The following NKD1 variants were observed in gnomAD, a reference collection of about 807,000 sequenced individuals.
The protein encoded by NKD1 is protein naked cuticle homolog 1.
In NKD1, 21 loss-of-function variants were observed where a neutral mutation model predicts 56.0. The observed-to-expected ratio is 0.38, with a 90% confidence interval of 0.27 to 0.54. The LOEUF is 0.54. NKD1 is among the 20% of genes least tolerant of loss of function. The probability of loss-of-function intolerance (pLI) is 0.82; values close to 1 mark genes in which losing one functional copy is unlikely to be tolerated. For synonymous variants in NKD1, 263 were observed against 265.7 expected (o/e 0.99, Z 0.10); for missense variants, 578 against 642.7 (o/e 0.90, Z 1.09).
intron 4 of NKD1, among the ~76,000 whole-genome samples, chr16:50,619,189 C>G (rs1176297701): frequency 6.6e-6 from 1 of 152,060 alleles, no homozygotes; most frequent in Non-Finnish European, 1.5e-5. Flanking sequence ...TTTCTTTCTT[C>G]TTTTTCTTTC....
At chr16:50,587,937 C>T (rs1961265492) in intron 3 of NKD1, among the ~76,000 whole-genome samples, 1 of 152,254 alleles carries the variant, frequency 6.6e-6, no homozygotes, top group Admixed American at 6.5e-5. Flanking sequence ...GGAACAGTTT[C>T]ATCCCGAAAC....
At chr16:50,593,252 A>G (rs1245007201) in intron 3 of NKD1, among the ~76,000 whole-genome samples, 2 of 152,128 alleles carry the variant, frequency 1.3e-5, no homozygotes, top group East Asian at 3.9e-4. Flanking sequence ...CTGGCTTATG[A>G]GGAGAATAAG....
chr16:50,598,699 A>G lies in NKD1; in HGVS notation c.193-9595A>G, dbSNP rs1961529999. ...AGGCCCTCGGGCCTCTCCTCTTATC[A>G]GCACTCGGCTGTGTGGCGTGGCGGG... On this transcript the variant is annotated intron_variant, in intron 3 of 9. Coordinates refer to ENST00000268459, the MANE Select transcript of NKD1 (RefSeq NM_033119.5). This position sits in a 1 kb window ranked among gnomAD's most constrained non-coding sequence, Gnocchi z 4.2. 1.3e-5 allele frequency among the ~76,000 whole-genome samples: 2 copies of G among 152,202 alleles called. No homozygotes were observed. The highest frequency in any genetic ancestry group is 4.8e-5 in the African/African-American group (2 of 41,456).
Position 50,643,882 on chromosome 16 carries a change from G to T in NKD1, c.*10101G>T, listed in dbSNP as rs1179887983. ...CATATTTTCTCTGCAAGGCATATCA[G>T]AGCCTTCTGTGCTTAAGAGCACAAG... On this transcript the variant is annotated 3_prime_UTR_variant, in exon 10 of 10. Transcript: ENST00000268459. 1 of 152,216 alleles carries T rather than the reference G, an allele frequency of 6.6e-6. No homozygotes were observed. Among genetic ancestry groups the T allele is most frequent in the African/African-American group, 2.4e-5 (1 of 41,450 alleles). The allele number at this position is 152,216 out of a possible 1,614,324, so 9.4% of individuals were successfully genotyped here.
chr16:50,575,228 G>T lies in NKD1; in HGVS notation c.192+25673G>T, dbSNP rs1408646202. The T allele has an allele frequency of 7.1e-6, 7 of 985,292 alleles. No individual in the cohort carries two copies. In the East Asian group the frequency reaches 6.8e-4, roughly 96 times the overall value. The allele number at this position is 985,292 out of a possible 1,614,324, so 61.0% of individuals were successfully genotyped here. ...CTCAGATCAAGTTCTTTAACTAGGG[G>T]CTGAGAGATAGGGAGGCCAGTCTTC... On this transcript the variant is annotated intron_variant, in intron 3 of 9. Coordinates refer to ENST00000268459, the MANE Select transcript of NKD1 (RefSeq NM_033119.5).
At chr16:50,622,169 C>T (rs1341230088) in intron 5 of NKD1, among the ~76,000 whole-genome samples, 8 of 152,238 alleles carry the variant, frequency 5.3e-5, no homozygotes, top group African/African-American at 1.9e-4. Flanking sequence ...CCCATGTGGG[C>T]ACCACCAAGG....
At position 50,548,592 on chromosome 16, in the gene NKD1, C is replaced by G. The variant is rs1170299375; in HGVS notation, c.25+14C>G. On this transcript the variant is annotated intron_variant, in intron 1 of 9. Coordinates refer to ENST00000268459, the MANE Select transcript of NKD1 (RefSeq NM_033119.5). ...ACTCCAAGCCGGGTCAGTGCCCCCG[C>G]CCGCGCGCTCGCCCCGGGCCCCGCC... The G allele has an allele frequency of 1.4e-6, 2 of 1,462,040 alleles. No homozygotes were observed. The highest frequency in any genetic ancestry group is 2.5e-5 in the Admixed American group (1 of 40,114). 90.6% of individuals were successfully genotyped at this position (1,462,040 alleles called of 1,614,324 possible).
At chr16:50,560,149 A>G (rs763657796) in intron 3 of NKD1, among the ~76,000 whole-genome samples, 2 of 152,210 alleles carry the variant, frequency 1.3e-5, no homozygotes, top group African/African-American at 2.4e-5. Context: ...GAAGAGAACT[A>G]CTATAATCCA....
chr16:50,639,179 A>G lies in NKD1; in HGVS notation c.*5398A>G, dbSNP rs1174290615. The G allele has an allele frequency of 6.6e-6, 1 of 151,900 alleles. No homozygotes were observed. Among genetic ancestry groups the G allele is most frequent in the Non-Finnish European group, 1.5e-5 (1 of 68,018 alleles). 9.4% of individuals were successfully genotyped at this position (151,900 alleles called of 1,614,324 possible). A position where few individuals can be genotyped will look rare whatever the true frequency, so the allele number is the denominator to read the frequency against. ...TCATGATGTTTCAGGCCCCCAGGTG[A>G]CTTCTTAGGCAGCCCAGCTAAGCCC... is the stretch of plus-strand genomic sequence containing the variant. On this transcript the variant is annotated 3_prime_UTR_variant, in exon 10 of 10. Coordinates refer to ENST00000268459, the MANE Select transcript of NKD1 (RefSeq NM_033119.5).
At chr16:50,629,482 A>G (rs1323495852) in intron 6 of NKD1, among the ~76,000 whole-genome samples, 1 of 152,024 alleles carries the variant, frequency 6.6e-6, no homozygotes, top group African/African-American at 2.4e-5. Flanking sequence ...TGATGCCCCC[A>G]CTCCATTTTC....
chr16:50,574,426 C>G lies in NKD1; in HGVS notation c.192+24871C>G, dbSNP rs529967051. ...CTGAGTCGACATAGCCGTCTTCCCC[C>G]AGGGACTAAATTTAGGATTCCTTGG... is the stretch of plus-strand genomic sequence containing the variant. On this transcript the variant is annotated intron_variant, in intron 3 of 9. Coordinates refer to ENST00000268459, the MANE Select transcript of NKD1 (RefSeq NM_033119.5). 3.0e-6 allele frequency: 3 copies of G among 985,408 alleles called. No homozygotes were observed. In the Admixed American group the frequency reaches 1.8e-4, roughly 61 times the overall value. The allele number at this position is 985,408 out of a possible 1,614,324, so 61.0% of individuals were successfully genotyped here.
At chr16:50,590,807 T>C (rs2151271838) in intron 3 of NKD1, among the ~76,000 whole-genome samples, 1 of 152,292 alleles carries the variant, frequency 6.6e-6, no homozygotes. Context: ...CCATTAGCAT[T>C]AAGCCTTTTT....
intron 3 of NKD1, among the ~76,000 whole-genome samples, chr16:50,565,203 G>A (rs768675410): frequency 1.3e-5 from 2 of 151,852 alleles, no homozygotes; most frequent in African/African-American, 2.4e-5. Flanking sequence ...GTGAAACCCC[G>A]TGTTTCCTTC....
intron 3 of NKD1, among the ~76,000 whole-genome samples, chr16:50,588,821 C>A (rs1272886770): frequency 6.6e-6 from 1 of 152,022 alleles, no homozygotes; most frequent in Non-Finnish European, 1.5e-5. Flanking sequence ...CCAGGCTGGT[C>A]TCAAACTCCT....
intron 4 of NKD1, among the ~76,000 whole-genome samples, chr16:50,618,772 C>T (rs549609315): frequency 1.1e-3 from 163 of 152,234 alleles, no homozygotes; most frequent in Middle Eastern, 6.8e-3. Flanking sequence ...CTGTGGATGT[C>T]CGTGTGGCTT....
chr16:50,579,338 C>T (rs1596717338), intron 3 of NKD1, among the ~76,000 whole-genome samples: 2 of 148,412 alleles, frequency 1.3e-5, no homozygotes, highest in African/African-American at 5.0e-5. Flanking sequence ...TAACCCACCA[C>T]GCATGCACTG....
chr16:50,576,132 C>G (rs1960989047), intron 3 of NKD1, among the ~76,000 whole-genome samples: 1 of 152,212 alleles, frequency 6.6e-6, no homozygotes. Flanking sequence ...TTGGCTTATT[C>G]CTGCCTTTTG....
intron 6 of NKD1, 67 bp downstream of exon 6, chr16:50,625,647 C>T (rs1962194255): frequency 4.2e-6 from 4 of 948,356 alleles, no homozygotes; most frequent in African/African-American, 1.6e-5. Context: ...GGCACAGCAC[C>T]CTGCCACTGC....
intron 4 of NKD1, among the ~76,000 whole-genome samples, chr16:50,615,612 G>A (rs569109846): frequency 5.8e-4 from 88 of 152,286 alleles, no homozygotes; most frequent in African/African-American, 1.8e-3. Flanking sequence ...ACAGAGAGAC[G>A]GGACTGAGAG....
Sources: allele counts gnomAD v4.1 joint callset (sites outside exome capture counted in the v4.1 genomes callset), GRCh38; gene constraint gnomAD v4.1.1; non-coding constraint Gnocchi (gnomAD v3.1); transcripts MANE v1.5; gene names NCBI Gene and HGNC (gene_info 2026-07-23, HGNC 2026-07-21).